Variants in ASIC2 observed in about 807,000 individuals in gnomAD.
ASIC2 encodes the protein acid sensing ion channel subunit 2.
In ASIC2, 25 loss-of-function variants were observed where a neutral mutation model predicts 57.3. The observed-to-expected ratio is 0.44, with a 90% confidence interval of 0.32 to 0.61. The LOEUF (loss-of-function observed/expected upper bound fraction) is 0.61, where lower values mean the gene tolerates loss of function less well. Among genes scored for constraint, ASIC2 ranks in the 20% least tolerant of loss-of-function variants. ASIC2 has a pLI of 0.06. For synonymous variants in ASIC2, 319 were observed against 307.5 expected, an observed-to-expected ratio of 1.04 and a Z score of -0.39; for missense variants, 641 against 738.1, an observed-to-expected ratio of 0.87 and a Z score of 1.52.
At chr17:33,159,359 T>G (rs889424708) in intron 1 of ASIC2, among the ~76,000 whole-genome samples, 10 of 152,072 alleles carry the variant, frequency 6.6e-5, no homozygotes, top group African/African-American at 2.4e-4. Context: ...TTCTTTTTTT[T>G]GCTAAAATAC....
intron 1 of ASIC2, among the ~76,000 whole-genome samples, chr17:33,806,851 G>C (rs1486915435): frequency 3.3e-5 from 5 of 152,198 alleles, no homozygotes; most frequent in Non-Finnish European, 7.3e-5. Flanking sequence ...AAGAAGTTGT[G>C]TGTTTTAACA....
At chr17:33,496,197 G>A (rs980516684) in intron 1 of ASIC2, among the ~76,000 whole-genome samples, 1 of 152,188 alleles carries the variant, frequency 6.6e-6, no homozygotes. Context: ...AGGAAAGACA[G>A]GATGAGGGCT....
chr17:33,164,716 CT>C (rs1484778971), intron 1 of ASIC2, among the ~76,000 whole-genome samples: 4 of 152,322 alleles, frequency 2.6e-5, no homozygotes, highest in African/African-American at 9.6e-5. Context: ...TCATAACCCA[CT>C]TGTCAAGAAT....
chr17:33,940,666 G>T (rs1042246063), intron 1 of ASIC2, among the ~76,000 whole-genome samples: 2 of 152,208 alleles, frequency 1.3e-5, no homozygotes, highest in African/African-American at 4.8e-5. Flanking sequence ...CCAGAGCTTG[G>T]ATCCTAGCAG....
intron 1 of ASIC2, among the ~76,000 whole-genome samples, chr17:33,787,021 G>A (rs1295982330): frequency 6.6e-6 from 1 of 152,194 alleles, no homozygotes; most frequent in East Asian, 1.9e-4. Context: ...GGATGAGACT[G>A]ATTTACAGAT....
At chr17:33,952,536 A>C (rs1263153770) in intron 1 of ASIC2, among the ~76,000 whole-genome samples, 3 of 152,240 alleles carry the variant, frequency 2.0e-5, no homozygotes, top group Non-Finnish European at 4.4e-5. Context: ...TAAAGAAAAC[A>C]GGAGCAAAAT....
At chr17:33,101,294 G>T (rs150555729) in intron 2 of ASIC2, among the ~76,000 whole-genome samples, 79 of 152,234 alleles carry the variant, frequency 5.2e-4, no homozygotes, top group African/African-American at 1.8e-3. Context: ...AGCTGCTCAG[G>T]CCTTCCAGCT....
chr17:33,395,479 A>G (rs956703310), intron 1 of ASIC2, among the ~76,000 whole-genome samples: 6 of 152,154 alleles, frequency 3.9e-5, no homozygotes, highest in Non-Finnish European at 7.4e-5. Flanking sequence ...CATTATGACA[A>G]GAACAGCATA....
At chr17:33,095,521 G>C (rs4289044) in intron 2 of ASIC2, among the ~76,000 whole-genome samples, 119,601 of 152,210 alleles carry the variant, frequency 0.79, 47,059 homozygotes, top group East Asian at 0.88. Flanking sequence ...CTCTGAGACA[G>C]AGGATCCCAC....
At chr17:34,002,387 G>A (rs1906375227) in intron 1 of ASIC2, 2 of 152,228 alleles carry the variant, frequency 1.3e-5, no homozygotes, top group African/African-American at 4.8e-5. Context: ...TTCTGGTCCT[G>A]TAGCATCAGT....
At chr17:33,851,701 T>C (rs1395424462) in intron 1 of ASIC2, among the ~76,000 whole-genome samples, 2 of 152,176 alleles carry the variant, frequency 1.3e-5, no homozygotes, top group Non-Finnish European at 2.9e-5. Context: ...GCCTCTACCC[T>C]CTAGACGCCA....
chr17:33,690,776 G>A (rs1908340532), intron 1 of ASIC2, among the ~76,000 whole-genome samples: 1 of 120,618 alleles, frequency 8.3e-6, no homozygotes, highest in Non-Finnish European at 1.6e-5. Context: ...TTGAGACGGA[G>A]TCTTGCTCTG....
chr17:33,986,444 G>T (rs1905821379), intron 1 of ASIC2, among the ~76,000 whole-genome samples: 1 of 151,990 alleles, frequency 6.6e-6, no homozygotes, highest in South Asian at 2.1e-4. Flanking sequence ...CATTTTCTAG[G>T]AAATGGCTGC....
At chr17:33,107,073 G>C (rs4477773) in intron 2 of ASIC2, among the ~76,000 whole-genome samples, 1 of 152,050 alleles carries the variant, frequency 6.6e-6, no homozygotes, top group Non-Finnish European at 1.5e-5. Flanking sequence ...GTTTGATTCA[G>C]GTTTCTCATG....
intron 3 of ASIC2, among the ~76,000 whole-genome samples, chr17:33,060,310 C>T (rs1250796510): frequency 6.6e-6 from 1 of 152,172 alleles, no homozygotes; most frequent in Non-Finnish European, 1.5e-5. Flanking sequence ...ACATTTAAGT[C>T]TTTAATCCAT....
At chr17:34,034,140 G>A (rs1355249625) in intron 1 of ASIC2, among the ~76,000 whole-genome samples, 1 of 152,164 alleles carries the variant, frequency 6.6e-6, no homozygotes, top group Non-Finnish European at 1.5e-5. Context: ...GAATCCAGCA[G>A]CACATCAAAA....
intron 1 of ASIC2, among the ~76,000 whole-genome samples, chr17:33,894,369 G>A (rs1254747245): frequency 3.4e-5 from 5 of 148,492 alleles, no homozygotes; most frequent in African/African-American, 1.3e-4. Flanking sequence ...GTGTGTGTGT[G>A]TGTGTGTGTG....
intron 1 of ASIC2, among the ~76,000 whole-genome samples, chr17:33,986,549 T>C: frequency 6.6e-6 from 1 of 152,156 alleles, no homozygotes; most frequent in East Asian, 1.9e-4. Context: ...AAGTGATGAA[T>C]TCCATAAGTT....
At chr17:33,501,388 T>G (rs1018608076) in intron 1 of ASIC2, among the ~76,000 whole-genome samples, 1 of 152,174 alleles carries the variant, frequency 6.6e-6, no homozygotes, top group Non-Finnish European at 1.5e-5. Context: ...AAAATGCCAG[T>G]GCCAGCAGGG....
Sources: allele counts gnomAD v4.1 joint callset (sites outside exome capture counted in the v4.1 genomes callset), GRCh38; gene constraint gnomAD v4.1.1; transcripts MANE v1.5; gene names NCBI Gene and HGNC (gene_info 2026-07-23, HGNC 2026-07-21).